The following PDE1A variants were observed in gnomAD, a reference collection of about 807,000 sequenced individuals.
PDE1A encodes dual specificity calcium/calmodulin-dependent 3',5'-cyclic nucleotide phosphodiesterase 1A.
Under a neutral mutation model 61.7 loss-of-function variants are expected in PDE1A, and 35 were observed. That is an observed-to-expected ratio of 0.57 (90% CI 0.43 to 0.75). The LOEUF is 0.75. Ranked by LOEUF, PDE1A falls within the 30% of genes least tolerant of loss-of-function variation. PDE1A has a pLI of 0.00. For synonymous variants in PDE1A, 232 were observed against 213.2 expected (o/e 1.09, Z -0.77); for missense variants, 597 against 630.6 (o/e 0.95, Z 0.57).
At chr2:182,258,570 C>A (rs1167124265) in intron 2 of PDE1A, among the ~76,000 whole-genome samples, 2 of 152,226 alleles carry the variant, frequency 1.3e-5, no homozygotes, top group African/African-American at 4.8e-5. Flanking sequence ...TAATTCATAT[C>A]TCTAAATGGC....
intron 2 of PDE1A, among the ~76,000 whole-genome samples, chr2:182,449,049 T>TACACACACACACACACACACAC (rs200893342): frequency 1.1e-5 from 1 of 90,574 alleles, no homozygotes; most frequent in African/African-American, 3.2e-5. Flanking sequence ...ATCATACACA[T>TACACACACACACACACACACAC]ACACACACAC....
the PDE1A span, among the ~76,000 whole-genome samples, chr2:182,566,671 G>C: frequency 6.6e-6 from 1 of 152,064 alleles, no homozygotes; most frequent in Non-Finnish European, 1.5e-5. Context: ...AAGTTCTCAA[G>C]TTTATATTTG....
chr2:182,240,740 G>GTA (rs1690437045), intron 2 of PDE1A, among the ~76,000 whole-genome samples: 1 of 152,164 alleles, frequency 6.6e-6, no homozygotes, highest in Non-Finnish European at 1.5e-5. Flanking sequence ...TGTATCTTAA[G>GTA]TATAGTACAT....
the PDE1A span, among the ~76,000 whole-genome samples, chr2:182,586,269 T>C: frequency 6.6e-6 from 1 of 152,122 alleles, no homozygotes; most frequent in Non-Finnish European, 1.5e-5. Context: ...AGCAATTAAC[T>C]AGAAGGGATA....
At chr2:182,221,752 G>A (rs1045375712) in intron 7 of PDE1A, among the ~76,000 whole-genome samples, 1 of 152,008 alleles carries the variant, frequency 6.6e-6, no homozygotes, top group Non-Finnish European at 1.5e-5. Flanking sequence ...ATCTCTGGCT[G>A]TGGGAGCAGA....
At chr2:182,598,709 C>A in the PDE1A span, among the ~76,000 whole-genome samples, 1 of 152,162 alleles carries the variant, frequency 6.6e-6, no homozygotes, top group Non-Finnish European at 1.5e-5. Flanking sequence ...CTCACCCTAC[C>A]AAAGCCTCTG....
intron 1 of PDE1A, among the ~76,000 whole-genome samples, chr2:182,351,681 T>A (rs1299850781): frequency 3.3e-5 from 5 of 152,198 alleles, no homozygotes; most frequent in African/African-American, 1.2e-4. Context: ...ACCGTGACAT[T>A]TGTGATCAAT....
At chr2:182,475,625 C>T (rs778355102) in intron 2 of PDE1A, among the ~76,000 whole-genome samples, 33 of 151,910 alleles carry the variant, frequency 2.2e-4, no homozygotes, top group African/African-American at 6.0e-4. Flanking sequence ...GAAACAAGCA[C>T]GGGCTATTCA....
rs578000651 is a variant in PDE1A at position 182,281,489 on chromosome 2, G to A, written c.54-17075C>T. 2.0e-5 allele frequency among the ~76,000 whole-genome samples: 3 copies of A among 151,950 alleles called. No individual in the cohort carries two copies. In the East Asian group the frequency reaches 5.8e-4, roughly 29 times the overall value. On this transcript the variant is annotated intron_variant, in intron 1 of 13. Transcript: ENST00000351439. ...AACCCATCTGAATGCTAACCACCTAGACCAGAAAACTCAATCCAAACTCCA... is the reference window on the plus strand; with the variant it reads ...AACCCATCTGAATGCTAACCACCTAAACCAGAAAACTCAATCCAAACTCCA...
chr2:182,504,357 A>G (rs1689270807), intron 2 of PDE1A, among the ~76,000 whole-genome samples: 1 of 152,242 alleles, frequency 6.6e-6, no homozygotes, highest in Admixed American at 6.5e-5. Context: ...TTATCTAATT[A>G]CAGAAAGTGT....
At chr2:182,484,584 A>C (rs771848790) in intron 2 of PDE1A, among the ~76,000 whole-genome samples, 1 of 151,970 alleles carries the variant, frequency 6.6e-6, no homozygotes, top group Non-Finnish European at 1.5e-5. Context: ...ACAACCTAGA[A>C]AATGGAAGAA....
At chr2:182,583,095 T>C in the PDE1A span, among the ~76,000 whole-genome samples, 64 of 152,254 alleles carry the variant, frequency 4.2e-4, no homozygotes, top group African/African-American at 1.5e-3. Flanking sequence ...AAGAAACAGC[T>C]GCTTGTTCAC....
intron 1 of PDE1A, among the ~76,000 whole-genome samples, chr2:182,336,649 A>G (rs1319104450): frequency 6.6e-6 from 1 of 152,124 alleles, no homozygotes; most frequent in Admixed American, 6.6e-5. Context: ...GGATAGCATT[A>G]GGAGAAATAC....
intron 1 of PDE1A, among the ~76,000 whole-genome samples, chr2:182,386,409 T>G (rs1427696692): frequency 6.6e-6 from 1 of 151,214 alleles, no homozygotes; most frequent in African/African-American, 2.4e-5. Context: ...GGAGTGTCTC[T>G]GCCCGGCTGC....
At chr2:182,240,289 T>C (rs1329612801) in exon 3 of PDE1A, 7 of 1,546,658 alleles carry the variant, frequency 4.5e-6, no homozygotes, top group Non-Finnish European at 4.3e-6. Flanking sequence ...TATCCAGAAG[T>C]CTTCTACAAA....
intron 2 of PDE1A, among the ~76,000 whole-genome samples, chr2:182,450,728 A>G (rs879375524): frequency 3.3e-5 from 5 of 151,996 alleles, no homozygotes; most frequent in African/African-American, 9.7e-5. Context: ...GAGATGTTAC[A>G]TGAATATCAC....
intron 1 of PDE1A, among the ~76,000 whole-genome samples, chr2:182,277,296 A>AT (rs1190863156): frequency 5.9e-5 from 9 of 152,054 alleles, no homozygotes; most frequent in African/African-American, 2.2e-4. Flanking sequence ...CAGCTGTAAA[A>AT]TTCCTCTCTT....
intron 2 of PDE1A, among the ~76,000 whole-genome samples, chr2:182,483,800 T>C (rs1163484301): frequency 6.6e-6 from 1 of 151,760 alleles, no homozygotes; most frequent in Admixed American, 6.6e-5. Context: ...ATAGATAACA[T>C]AAAACAATAG....
At position 182,169,602 on chromosome 2, in the gene PDE1A, G is replaced by A. The variant is rs116898304; in HGVS notation, c.1517-1312C>T. ...ATGAAGAGGATTGGTGGAGTCTTCT[G>A]GAAATAACTTCTAATATCCTGACTG... On this transcript the variant is annotated intron_variant, in intron 13 of 13. Transcript: ENST00000351439. 7.9e-5 allele frequency among the ~76,000 whole-genome samples: 12 copies of A among 152,086 alleles called. No individual in the cohort carries two copies. The East Asian group carries it at 2.1e-3, about 27-fold the overall frequency.
Sources: allele counts gnomAD v4.1 joint callset (sites outside exome capture counted in the v4.1 genomes callset), GRCh38; gene constraint gnomAD v4.1.1; transcripts MANE v1.5; gene names NCBI Gene and HGNC (gene_info 2026-07-23, HGNC 2026-07-21).